KIAA0319L: variants seen among roughly 807,000 people sequenced by gnomAD.
KIAA0319L encodes the protein dyslexia-associated protein KIAA0319-like protein.
In KIAA0319L, 55 loss-of-function variants were observed where a neutral mutation model predicts 120.1. The ratio of observed to expected loss-of-function variants is 0.46; its 90% CI spans 0.37 to 0.57. KIAA0319L has a LOEUF of 0.57. Among genes scored for constraint, KIAA0319L ranks in the 20% least tolerant of loss-of-function variants. The probability of loss-of-function intolerance (pLI) is 0.00; values close to 1 mark genes in which losing one functional copy is unlikely to be tolerated. For synonymous variants in KIAA0319L, 398 were observed against 471.9 expected (o/e 0.84, Z 2.03); for missense variants, 1,049 against 1,255.3 (o/e 0.84, Z 2.48).
intron 3 of KIAA0319L, among the ~76,000 whole-genome samples, chr1:35,500,857 C>T (rs1469037444): frequency 6.6e-6 from 1 of 152,180 alleles, no homozygotes; most frequent in Non-Finnish European, 1.5e-5. Context: ...TATACATGGC[C>T]TTCAGGGTAA....
At chr1:35,472,888 A>C (rs1372363616) in intron 5 of KIAA0319L, among the ~76,000 whole-genome samples, 1 of 150,392 alleles carries the variant, frequency 6.6e-6, no homozygotes, top group Non-Finnish European at 1.5e-5. Context: ...TCCTGGGTTC[A>C]AGCAATTCTC....
chr1:35,521,129 T>A (rs910188907), intron 2 of KIAA0319L, among the ~76,000 whole-genome samples: 8 of 149,954 alleles, frequency 5.3e-5, no homozygotes, highest in African/African-American at 2.0e-4. Context: ...TCATTTGAGG[T>A]CAGGAGTTCG....
intron 15 of KIAA0319L, among the ~76,000 whole-genome samples, chr1:35,448,895 G>A (rs1206331429): frequency 6.6e-6 from 1 of 152,152 alleles, no homozygotes; most frequent in Non-Finnish European, 1.5e-5. Context: ...CCACATCACA[G>A]CTGCACTATC....
At chr1:35,542,321 C>T (rs1646825121) in intron 2 of KIAA0319L, among the ~76,000 whole-genome samples, 1 of 152,100 alleles carries the variant, frequency 6.6e-6, no homozygotes, top group Non-Finnish European at 1.5e-5. Flanking sequence ...GTAACAGCAC[C>T]CAGTACATTA....
At chr1:35,551,508 G>A (rs762436746) in intron 2 of KIAA0319L, among the ~76,000 whole-genome samples, 8 of 151,966 alleles carry the variant, frequency 5.3e-5, no homozygotes, top group Non-Finnish European at 1.2e-4. Flanking sequence ...TAGTAGAGAC[G>A]GCGTTTCACT....
chr1:35,508,726 G>C (rs990582052), intron 2 of KIAA0319L, among the ~76,000 whole-genome samples: 5 of 152,088 alleles, frequency 3.3e-5, no homozygotes, highest in Admixed American at 6.6e-5. Flanking sequence ...ACAGCTAACT[G>C]AGTGAACAGA....
intron 6 of KIAA0319L, 54 bp from the exon 7 acceptor site, chr1:35,466,749 T>G: frequency 8.2e-7 from 1 of 1,223,452 alleles, no homozygotes; most frequent in Non-Finnish European, 1.2e-6. Flanking sequence ...GGAATTACAT[T>G]TAAAATAAGA....
chr1:35,500,206 C>T (rs1043486190), intron 3 of KIAA0319L, among the ~76,000 whole-genome samples: 1 of 152,174 alleles, frequency 6.6e-6, no homozygotes, highest in African/African-American at 2.4e-5. Context: ...AAATAAAGCA[C>T]TTTTTTCTCT....
chr1:35,465,892 T>C (rs566301292), intron 7 of KIAA0319L, among the ~76,000 whole-genome samples: 8 of 152,184 alleles, frequency 5.3e-5, no homozygotes, highest in South Asian at 2.1e-4. Flanking sequence ...TTTTGCTTGT[T>C]GTCATCTACA....
chr1:35,541,136 C>T (rs1425830179), intron 2 of KIAA0319L, among the ~76,000 whole-genome samples: 3 of 151,798 alleles, frequency 2.0e-5, no homozygotes, highest in Non-Finnish European at 4.4e-5. Context: ...GTTACAGGGT[C>T]TCACTATGTT....
chr1:35,557,396 C>T lies in KIAA0319L; in HGVS notation c.-218G>A. The T allele has an allele frequency of 3.2e-6, 1 of 315,724 alleles. No individual in the cohort carries two copies. The highest frequency in any genetic ancestry group is 2.3e-5 in the South Asian group (1 of 44,102). The allele number at this position is 315,724 out of a possible 1,614,324, so 19.6% of individuals were successfully genotyped here. On this transcript the variant is annotated 5_prime_UTR_variant, in exon 1 of 21. Transcript: ENST00000325722. ...CAGCCTCCCTGGACAGCGACGGCGGCCGGAAACACCGCCTCCTCCCACCTC... is the reference window on the plus strand; with the variant it reads ...CAGCCTCCCTGGACAGCGACGGCGGTCGGAAACACCGCCTCCTCCCACCTC...
intron 3 of KIAA0319L, among the ~76,000 whole-genome samples, chr1:35,497,022 A>C (rs1415008928): frequency 3.9e-5 from 6 of 151,978 alleles, no homozygotes; most frequent in African/African-American, 9.7e-5. Flanking sequence ...CATTACGCTA[A>C]GTAGAAGAAC....
chr1:35,519,185 C>T (rs1167914798), intron 2 of KIAA0319L, among the ~76,000 whole-genome samples: 10 of 151,770 alleles, frequency 6.6e-5, no homozygotes, highest in East Asian at 1.9e-4. Context: ...TCCCTGGGAA[C>T]GTGAAATTTT....
chr1:35,437,672 C>T lies in KIAA0319L; in HGVS notation c.2963-2591G>A, dbSNP rs902951730. ...TGCAGCAGCAAACACCGACGGCTGT[C>T]CCCTAATGAATCCCCTCCTCCCTCC... On this transcript the variant is annotated intron_variant, in intron 20 of 20. Transcript: ENST00000325722. This position sits in a 1 kb window ranked among gnomAD's most constrained non-coding sequence, Gnocchi z 4.1. 1.3e-5 allele frequency among the ~76,000 whole-genome samples: 2 copies of T among 152,130 alleles called. No homozygotes were observed. Among genetic ancestry groups the T allele is most frequent in the Non-Finnish European group, 2.9e-5 (2 of 68,028 alleles).
At chr1:35,522,780 G>A (rs548889926) in intron 2 of KIAA0319L, among the ~76,000 whole-genome samples, 1 of 151,800 alleles carries the variant, frequency 6.6e-6, no homozygotes, top group Non-Finnish European at 1.5e-5. Context: ...CACTTTGGGA[G>A]GCCGAGGTGG....
At chr1:35,503,358 T>TA (rs1185154825) in intron 3 of KIAA0319L, among the ~76,000 whole-genome samples, 1 of 152,204 alleles carries the variant, frequency 6.6e-6, no homozygotes, top group African/African-American at 2.4e-5. Flanking sequence ...TCCTGCCCTA[T>TA]AAGGCAGTGG....
At chr1:35,460,282 C>T (rs1642800669) in intron 9 of KIAA0319L, 23 bp downstream of exon 9, 1 of 1,604,070 alleles carries the variant, frequency 6.2e-7, no homozygotes, top group Non-Finnish European at 8.5e-7. Context: ...CTATGGTAAA[C>T]TTGAAGCTGA....
At chr1:35,491,745 G>A (rs1249050414) in intron 3 of KIAA0319L, among the ~76,000 whole-genome samples, 5 of 152,146 alleles carry the variant, frequency 3.3e-5, no homozygotes, top group African/African-American at 1.2e-4. Flanking sequence ...CAGGAGAAAT[G>A]AGACAGCAAG....
At chr1:35,438,895 C>T (rs1640998228) in intron 20 of KIAA0319L, 1 of 152,420 alleles carries the variant, frequency 6.6e-6, no homozygotes, top group Non-Finnish European at 1.5e-5. Flanking sequence ...CCTGTGGTCC[C>T]AGCTACTTAG....
Sources: gnomAD v4.1 joint callset for allele counts (sites outside exome capture counted in the v4.1 genomes callset) on GRCh38, gnomAD v4.1.1 for gene constraint, Gnocchi (gnomAD v3.1) non-coding constraint, MANE v1.5 for transcripts, NCBI Gene and HGNC (gene_info 2026-07-23, HGNC 2026-07-21) for gene names.